Variants in DLGAP1 observed in about 807,000 individuals in gnomAD.
The protein encoded by DLGAP1 is DLG associated protein 1.
DLGAP1 carries 11 observed loss-of-function variants against 90.8 expected under a neutral mutation model. That is an observed-to-expected ratio of 0.12 (90% confidence interval 0.08 to 0.20). The LOEUF (loss-of-function observed/expected upper bound fraction) is 0.20. Ranked by LOEUF, DLGAP1 falls within the 10% of genes least tolerant of loss-of-function variation. DLGAP1 has a pLI of 1.00. For missense variants in DLGAP1, 1,050 were observed against 1,333.8 expected, an observed-to-expected ratio of 0.79 and a Z score of 3.31; for synonymous variants, 558 against 540.7, an observed-to-expected ratio of 1.03 and a Z score of -0.44.
intron 2 of DLGAP1, among the ~76,000 whole-genome samples, chr18:4,073,101 A>C (rs185129181): frequency 5.3e-5 from 8 of 152,316 alleles, no homozygotes; most frequent in Non-Finnish European, 1.0e-4. Flanking sequence ...AAGGAGATTA[A>C]GATGGGATGG....
At chr18:4,034,037 CTTTTTTTTT>C (rs1212913784) in intron 2 of DLGAP1, among the ~76,000 whole-genome samples, 7 of 111,210 alleles carry the variant, frequency 6.3e-5, no homozygotes, top group Admixed American at 1.0e-4. Flanking sequence ...GCGCCCGGCC[CTTTTTTTTT>C]TTTTTTTTTT....
intron 1 of DLGAP1, among the ~76,000 whole-genome samples, chr18:4,154,862 T>C (rs1195067688): frequency 6.6e-6 from 1 of 152,188 alleles, no homozygotes; most frequent in Non-Finnish European, 1.5e-5. Context: ...GCATCTATCA[T>C]ATGCCAAGCA....
chr18:4,067,091 C>T (rs1358911110), intron 2 of DLGAP1, among the ~76,000 whole-genome samples: 2 of 152,030 alleles, frequency 1.3e-5, no homozygotes, highest in South Asian at 2.1e-4. Flanking sequence ...AACCAAATAC[C>T]ACATGCTCTC....
At position 3,772,338 on chromosome 18, in the gene DLGAP1, CTCTCTCTCTCTTTCTTTCTTTCTT is replaced by C. The variant is rs1568108144; in HGVS notation, c.1173-29850_1173-29827del. 5.7e-4 allele frequency among the ~76,000 whole-genome samples: 24 copies of C among 42,284 alleles called. 1 individual carries two copies. The highest frequency in any genetic ancestry group is 2.2e-3 in the African/African-American group (22 of 10,022). 27.7% of individuals were successfully genotyped at this position (42,284 alleles called of 152,430 possible). A position where few individuals can be genotyped will look rare whatever the true frequency, so the allele number is the denominator to read the frequency against. On this transcript the variant is annotated intron_variant, in intron 5 of 12. Transcript: ENST00000315677. Reference sequence around the variant, plus strand: ...CCTTCCTTCCTTTCTCTCCTTCTCTCTCTCTCTCTCTTTCTTTCTTTCTTTCTTTCTTTCTTTCTTTCTTTCTTT... The same window carrying C: ...CCTTCCTTCCTTTCTCTCCTTCTCTCTCTTTCTTTCTTTCTTTCTTTCTTT...
At chr18:3,506,969 G>C (rs1022058643) in intron 11 of DLGAP1, among the ~76,000 whole-genome samples, 1 of 152,020 alleles carries the variant, frequency 6.6e-6, no homozygotes. Context: ...AAAATTGGAA[G>C]AAGGGTGAGT....
chr18:3,583,163 TA>T (rs2055637266), intron 7 of DLGAP1, among the ~76,000 whole-genome samples: 4 of 137,026 alleles, frequency 2.9e-5, no homozygotes, highest in East Asian at 2.4e-4. Context: ...CCTACCTACC[TA>T]CCTACCTACC....
intron 5 of DLGAP1, among the ~76,000 whole-genome samples, chr18:3,798,299 C>T (rs570597674): frequency 6.6e-6 from 1 of 152,306 alleles, no homozygotes; most frequent in East Asian, 1.9e-4. Flanking sequence ...ACAAAAGCAG[C>T]CACACAGATC....
intron 1 of DLGAP1, among the ~76,000 whole-genome samples, chr18:4,425,408 C>T (rs2320162): frequency 6.6e-6 from 1 of 152,130 alleles, no homozygotes; most frequent in African/African-American, 2.4e-5. Context: ...GAAGGTGCCA[C>T]GTCCACTTCC....
At chr18:3,541,500 A>G (rs1485604438) in intron 9 of DLGAP1, among the ~76,000 whole-genome samples, 1 of 152,202 alleles carries the variant, frequency 6.6e-6, no homozygotes, top group Non-Finnish European at 1.5e-5. Context: ...CTGGGCTGTG[A>G]GGTACTCCAA....
At chr18:4,177,910 A>C (rs959169059) in intron 1 of DLGAP1, among the ~76,000 whole-genome samples, 2 of 152,100 alleles carry the variant, frequency 1.3e-5, no homozygotes, top group African/African-American at 4.8e-5. Flanking sequence ...GCTATTGTGA[A>C]TAGTGCTGCA....
chr18:3,724,744 G>GA (rs201871999), intron 7 of DLGAP1, among the ~76,000 whole-genome samples: 6 of 149,978 alleles, frequency 4.0e-5, no homozygotes, highest in Non-Finnish European at 5.9e-5. Context: ...CTCAAAAAAT[G>GA]AAAAAAAAAT....
intron 7 of DLGAP1, among the ~76,000 whole-genome samples, chr18:3,595,475 G>A (rs967576668): frequency 2.6e-5 from 4 of 152,010 alleles, no homozygotes; most frequent in African/African-American, 9.7e-5. Context: ...TATCTTGAAA[G>A]GACACAGACT....
intron 1 of DLGAP1, among the ~76,000 whole-genome samples, chr18:4,259,547 G>C (rs867095026): frequency 6.6e-6 from 1 of 152,128 alleles, no homozygotes; most frequent in Non-Finnish European, 1.5e-5. Flanking sequence ...TTGTAGTGGC[G>C]AGGCTTAGTT....
chr18:4,386,426 A>C (rs926638748), intron 1 of DLGAP1, among the ~76,000 whole-genome samples: 1 of 152,250 alleles, frequency 6.6e-6, no homozygotes, highest in Non-Finnish European at 1.5e-5. Context: ...GGACTCAAAC[A>C]TTCCATCAGG....
intron 2 of DLGAP1, among the ~76,000 whole-genome samples, chr18:4,038,753 T>C (rs2074928978): frequency 6.6e-6 from 1 of 152,150 alleles, no homozygotes; most frequent in Admixed American, 6.5e-5. Context: ...GCCTCTGAGG[T>C]TGGACAGGGA....
At chr18:4,384,109 A>G (rs2082183962) in intron 1 of DLGAP1, among the ~76,000 whole-genome samples, 1 of 152,190 alleles carries the variant, frequency 6.6e-6, no homozygotes, top group Non-Finnish European at 1.5e-5. Flanking sequence ...TAATGACAGA[A>G]TTGAAGATAT....
intron 2 of DLGAP1, among the ~76,000 whole-genome samples, chr18:4,033,532 T>G (rs1408112363): frequency 6.6e-6 from 1 of 152,146 alleles, no homozygotes. Flanking sequence ...ATAATAAATT[T>G]AAAAATTCAA....
At chr18:3,985,648 C>T (rs369021843) in intron 3 of DLGAP1, among the ~76,000 whole-genome samples, 23 of 151,966 alleles carry the variant, frequency 1.5e-4, no homozygotes, top group African/African-American at 4.6e-4. Flanking sequence ...ACCTGAAGGA[C>T]GGGCTTACTG....
In DLGAP1 at chr18:4,454,603, A is replaced by C. The variant is rs2083924497; in HGVS notation, c.-267+403T>G. Among the ~76,000 whole-genome samples, 1 of 152,034 alleles carries C rather than the reference A, an allele frequency of 6.6e-6. No individual in the cohort carries two copies. Among genetic ancestry groups the C allele is most frequent in the Non-Finnish European group, 1.5e-5 (1 of 67,986 alleles). On this transcript the variant is annotated intron_variant, in intron 1 of 12. Transcript: ENST00000315677. The surrounding 1 kb of genome is among the most constrained non-coding windows in gnomAD (Gnocchi z 4.7). ...GGGGAGCAGCCCCCTCCTCCCCTGC[A>C]AGGTGCATCGGGGGTGGGGTGGGGG... is the stretch of plus-strand genomic sequence containing the variant.
Sources: allele counts gnomAD v4.1 joint callset (sites outside exome capture counted in the v4.1 genomes callset), GRCh38; gene constraint gnomAD v4.1.1; non-coding constraint Gnocchi (gnomAD v3.1); transcripts MANE v1.5; gene names NCBI Gene and HGNC (gene_info 2026-07-23, HGNC 2026-07-21).